The following SRP54 variants were observed in gnomAD, a reference collection of about 807,000 sequenced individuals.
SRP54 encodes signal recognition particle subunit SRP54.
In SRP54, 10 loss-of-function variants were observed where a neutral mutation model predicts 64.8. The ratio of observed to expected loss-of-function variants is 0.15; its 90% CI spans 0.10 to 0.26. The LOEUF (loss-of-function observed/expected upper bound fraction) is 0.26. Among genes scored for constraint, SRP54 ranks in the 10% least tolerant of loss-of-function variants. The pLI, the probability that SRP54 is intolerant of heterozygous loss-of-function variation, is 1.00. For missense variants in SRP54, 325 were observed against 613.7 expected (o/e 0.53, Z 4.97); for synonymous variants, 193 against 185.6 (o/e 1.04, Z -0.32).
At chr14:35,021,974 A>G (rs2044538071) in intron 13 of SRP54, among the ~76,000 whole-genome samples, 2 of 152,236 alleles carry the variant, frequency 1.3e-5, no homozygotes, top group African/African-American at 2.4e-5. Context: ...TGATCAAACA[A>G]CTGCGGGAAT....
Position 34,988,582 on chromosome 14 carries a change from T to TATATATATATATATATATATATAAC in SRP54, c.-34+5380_-34+5381insTATATATATAACATATATATATATA, listed in dbSNP as rs1555352771. On this transcript the variant is annotated intron_variant, in intron 1 of 15. Transcript: ENST00000216774. Reference sequence around the variant, plus strand: ...TCTCAAAAAAAAAAAAAAAAAAATATATATATATATATAACATATATATAT... The same window carrying TATATATATATATATATATATATAAC: ...TCTCAAAAAAAAAAAAAAAAAAATATATATATATATATATATATATATAACATATATATATATAACATATATATAT... Among the ~76,000 whole-genome samples the TATATATATATATATATATATATAAC allele has an allele frequency of 4.2e-3, 146 of 34,862 alleles. 1 individual carries two copies. Among genetic ancestry groups the TATATATATATATATATATATATAAC allele is most frequent in the Non-Finnish European group, 7.9e-3 (109 of 13,806 alleles). 22.9% of individuals were successfully genotyped at this position (34,862 alleles called of 152,430 possible). A position where few individuals can be genotyped will look rare whatever the true frequency, so the allele number is the denominator to read the frequency against.
intron 11 of SRP54, 86 bp downstream of exon 11, chr14:35,014,916 A>G (rs2044413968): frequency 1.0e-6 from 1 of 967,182 alleles, no homozygotes; most frequent in Admixed American, 2.2e-5. Flanking sequence ...TTTGAAATGT[A>G]ATATCTGTTA....
chr14:35,022,823 C>A, intron 13 of SRP54, 87 bp from the exon 14 acceptor site: 2 of 1,099,448 alleles, frequency 1.8e-6, no homozygotes, highest in Non-Finnish European at 2.5e-6. Flanking sequence ...CTGCTAAGCT[C>A]TTTGAAGTTA....
At chr14:34,996,973 T>C in intron 2 of SRP54, 186 bp downstream of exon 2, 1 of 417,164 alleles carries the variant, frequency 2.4e-6, no homozygotes, top group Non-Finnish European at 4.2e-6. Flanking sequence ...TCAAATTTAC[T>C]TCAACTTTCT....
intron 1 of SRP54, among the ~76,000 whole-genome samples, chr14:34,994,729 T>C (rs2044039235): frequency 1.3e-5 from 2 of 152,090 alleles, no homozygotes; most frequent in Admixed American, 1.3e-4. Flanking sequence ...TCATACTCAG[T>C]CTTTCCAATA....
At chr14:34,999,090 C>G (rs2044130772) in intron 2 of SRP54, among the ~76,000 whole-genome samples, 1 of 144,764 alleles carries the variant, frequency 6.9e-6, no homozygotes, top group African/African-American at 2.5e-5. Context: ...TCTTGGCTCA[C>G]TGCAGCCTCC....
Position 35,029,214 on chromosome 14 carries a change from T to C in SRP54, c.*62T>C, listed in dbSNP as rs981226458. 3 of 1,362,882 alleles carry C rather than the reference T, an allele frequency of 2.2e-6. No homozygotes were observed. The highest frequency in any genetic ancestry group is 2.0e-5 in the Admixed American group (1 of 48,910). 84.4% of individuals were successfully genotyped at this position (1,362,882 alleles called of 1,614,324 possible). A position where few individuals can be genotyped will look rare whatever the true frequency, so the allele number is the denominator to read the frequency against. On this transcript the variant is annotated 3_prime_UTR_variant, in exon 16 of 16. Coordinates refer to ENST00000216774, the MANE Select transcript of SRP54 (RefSeq NM_003136.4). Reference sequence around the variant, plus strand: ...CCTAATTTGCTGAGACCTCAGCGTTTCCCTTCTTTTTGCGAATTGGGGGGA... The same window carrying C: ...CCTAATTTGCTGAGACCTCAGCGTTCCCCTTCTTTTTGCGAATTGGGGGGA...
At chr14:35,001,455 C>T (rs1486252372) in intron 4 of SRP54, among the ~76,000 whole-genome samples, 2 of 151,968 alleles carry the variant, frequency 1.3e-5, no homozygotes, top group Non-Finnish European at 2.9e-5. Flanking sequence ...CTGGCCAGGA[C>T]CTATTTTTAT....
intron 1 of SRP54, among the ~76,000 whole-genome samples, chr14:34,994,160 A>AT (rs537292974): frequency 2.3e-4 from 33 of 146,582 alleles, no homozygotes; most frequent in East Asian, 4.0e-4. Flanking sequence ...TGCCCAGCTA[A>AT]TTTTTTTTTT....
chr14:34,995,137 GTGT>G lies in SRP54; in HGVS notation c.-33-1539_-33-1537del, dbSNP rs2044049328. The stretch of plus-strand genomic sequence containing the variant: ...CAGAGAAGCAGAATCAATAAAGGGT[GTGT>G]GTGTGTGTGTGTGTGTGTGTGTGTG... On this transcript the variant is annotated intron_variant, in intron 1 of 15. Transcript: ENST00000216774. Among the ~76,000 whole-genome samples the G allele has an allele frequency of 5.4e-4, 14 of 25,754 alleles. 1 individual carries two copies. In the South Asian group the frequency reaches 0.01, roughly 19 times the overall value. The allele number at this position is 25,754 out of a possible 152,430, so 16.9% of individuals were successfully genotyped here.
At chr14:35,028,730 C>G (rs1314565243) in intron 15 of SRP54, among the ~76,000 whole-genome samples, 1 of 152,032 alleles carries the variant, frequency 6.6e-6, no homozygotes, top group African/African-American at 2.4e-5. Flanking sequence ...TTTTATGTAA[C>G]TTAGAGTAAG....
chr14:35,019,224 C>G (rs1398204000), intron 13 of SRP54, 150 bp downstream of exon 13: 1 of 586,614 alleles, frequency 1.7e-6, no homozygotes, highest in Non-Finnish European at 3.0e-6. Flanking sequence ...AGCTCTTACT[C>G]AAAGGGTTAT....
chr14:35,026,697 C>T (rs1240925710), intron 14 of SRP54, among the ~76,000 whole-genome samples: 1 of 152,194 alleles, frequency 6.6e-6, no homozygotes, highest in African/African-American at 2.4e-5. Context: ...GTAATCCCAG[C>T]ACTTTGGGAG....
chr14:35,002,318 C>T (rs1035150854), intron 4 of SRP54, among the ~76,000 whole-genome samples: 1 of 152,034 alleles, frequency 6.6e-6, no homozygotes, highest in Non-Finnish European at 1.5e-5. Context: ...TGTGCCACTG[C>T]ACTCCCGACT....
intron 4 of SRP54, among the ~76,000 whole-genome samples, chr14:35,003,193 A>G (rs1412665234): frequency 2.6e-5 from 4 of 152,166 alleles, no homozygotes; most frequent in African/African-American, 7.2e-5. Flanking sequence ...TGGTTCTTAT[A>G]CTCAGATGCT....
intron 2 of SRP54, among the ~76,000 whole-genome samples, chr14:34,998,487 A>AT (rs1290132029): frequency 6.6e-6 from 1 of 152,054 alleles, no homozygotes; most frequent in Non-Finnish European, 1.5e-5. Flanking sequence ...CTTCTGTCAC[A>AT]TTTACTTCCA....
intron 11 of SRP54, among the ~76,000 whole-genome samples, chr14:35,015,741 G>A (rs555201942): frequency 2.0e-5 from 3 of 152,148 alleles, no homozygotes; most frequent in South Asian, 2.1e-4. Context: ...TTTAATTACC[G>A]TAGCAACTAT....
At chr14:35,018,827 C>A in intron 12 of SRP54, 62 bp downstream of exon 12, 1 of 1,497,226 alleles carries the variant, frequency 6.7e-7, no homozygotes, top group Non-Finnish European at 9.2e-7. Context: ...AAAATAGATA[C>A]ACTTGCTTTA....
chr14:34,986,157 G>A (rs538872787), intron 1 of SRP54, among the ~76,000 whole-genome samples: 5 of 151,942 alleles, frequency 3.3e-5, no homozygotes, highest in African/African-American at 1.2e-4. Flanking sequence ...CTTTTTTGCT[G>A]CAAAAGTACG....
Sources: gnomAD v4.1 joint callset for allele counts (sites outside exome capture counted in the v4.1 genomes callset) on GRCh38, gnomAD v4.1.1 for gene constraint, MANE v1.5 for transcripts, NCBI Gene and HGNC (gene_info 2026-07-23, HGNC 2026-07-21) for gene names.